PTPN12: variants seen among roughly 807,000 people sequenced by gnomAD.
PTPN12 encodes protein tyrosine phosphatase non-receptor type 12, also known as tyrosine-protein phosphatase non-receptor type 12.
A neutral mutation model predicts 97.6 loss-of-function variants in PTPN12; 29 were observed. The ratio of observed to expected loss-of-function variants is 0.30; its 90% CI spans 0.22 to 0.41. The LOEUF (loss-of-function observed/expected upper bound fraction) is 0.41, where lower values mean the gene tolerates loss of function less well. PTPN12 is among the 10% of genes least tolerant of loss of function. The pLI, the probability that PTPN12 is intolerant of heterozygous loss-of-function variation, is 1.00. For synonymous variants in PTPN12, 327 were observed against 300.4 expected, an observed-to-expected ratio of 1.09 and a Z score of -0.91; for missense variants, 819 against 926.0, an observed-to-expected ratio of 0.88 and a Z score of 1.50.
Position 77,621,090 on chromosome 7 carries a change from TATTTCA to T in PTPN12, c.1025+2526_1025+2531del, listed in dbSNP as rs543086395. On this transcript the variant is annotated intron_variant, in intron 12 of 17. Coordinates refer to ENST00000248594, the MANE Select transcript of PTPN12 (RefSeq NM_002835.4). Reference sequence around the variant, plus strand: ...TATATAAAAATATGTGTTGTGTGTATATTTCATTTTTATTTATTTATTTATTTATTT... The same window carrying T: ...TATATAAAAATATGTGTTGTGTGTATTTTTTATTTATTTATTTATTTATTT... 1.5e-3 allele frequency among the ~76,000 whole-genome samples: 231 copies of T among 151,936 alleles called. 1 individual carries two copies. The highest frequency in any genetic ancestry group is 5.5e-3 in the African/African-American group (228 of 41,428).
intron 14 of PTPN12, among the ~76,000 whole-genome samples, chr7:77,634,929 G>C (rs1789536239): frequency 6.6e-6 from 1 of 152,020 alleles, no homozygotes; most frequent in Non-Finnish European, 1.5e-5. Context: ...AGGCTGGAGT[G>C]CAGTGGCACG....
At chr7:77,542,389 C>T (rs546279218) in intron 1 of PTPN12, among the ~76,000 whole-genome samples, 1 of 152,230 alleles carries the variant, frequency 6.6e-6, no homozygotes, top group East Asian at 1.9e-4. Context: ...AATCATTAGT[C>T]TGGGTTTCTG....
At chr7:77,548,828 C>CT (rs1407166330) in intron 1 of PTPN12, among the ~76,000 whole-genome samples, 2 of 152,154 alleles carry the variant, frequency 1.3e-5, no homozygotes, top group African/African-American at 4.8e-5. Context: ...AATAGAGAGC[C>CT]TGGGTGACTC....
chr7:77,555,790 C>T (rs1807683293), intron 1 of PTPN12, among the ~76,000 whole-genome samples: 2 of 151,970 alleles, frequency 1.3e-5, no homozygotes, highest in Admixed American at 6.6e-5. Context: ...TGGTGGGCGC[C>T]TGTAGTCCCA....
At chr7:77,601,357 AT>A (rs952174156) in intron 8 of PTPN12, among the ~76,000 whole-genome samples, 1 of 151,838 alleles carries the variant, frequency 6.6e-6, no homozygotes, top group African/African-American at 2.4e-5. Context: ...CACTGAACTA[AT>A]TTTTTTTAAT....
chr7:77,636,670 AT>A (rs572540117), intron 15 of PTPN12: 92 of 179,408 alleles, frequency 5.1e-4, no homozygotes, highest in African/African-American at 2.1e-3. Context: ...TATCTCTGAA[AT>A]TTAGCTACAT....
intron 5 of PTPN12, among the ~76,000 whole-genome samples, chr7:77,586,661 C>T (rs546980029): frequency 6.6e-6 from 1 of 152,320 alleles, no homozygotes; most frequent in South Asian, 2.1e-4. Flanking sequence ...TGTAGCATGC[C>T]ATGCTGTTTG....
At chr7:77,569,576 G>T (rs1414834638) in intron 1 of PTPN12, among the ~76,000 whole-genome samples, 1 of 152,114 alleles carries the variant, frequency 6.6e-6, no homozygotes, top group Non-Finnish European at 1.5e-5. Context: ...TTCAAGACCA[G>T]CCTGGATAAC....
chr7:77,637,944 AATTTTTTTTTTTTTTT>A (rs1456398694), intron 16 of PTPN12, among the ~76,000 whole-genome samples: 1 of 89,500 alleles, frequency 1.1e-5, no homozygotes, highest in Non-Finnish European at 1.9e-5. Flanking sequence ...GATTTCTTAA[AATTTTTTTTTTTTTTT>A]TTTTTTTTTT....
At chr7:77,566,519 C>T (rs1277099476) in intron 1 of PTPN12, among the ~76,000 whole-genome samples, 1 of 152,072 alleles carries the variant, frequency 6.6e-6, no homozygotes, top group African/African-American at 2.4e-5. Context: ...TCCAGGAGTT[C>T]GAGACCAGCC....
chr7:77,582,894 A>G (rs996045814), intron 3 of PTPN12, among the ~76,000 whole-genome samples: 2 of 152,236 alleles, frequency 1.3e-5, no homozygotes, highest in African/African-American at 4.8e-5. Flanking sequence ...ACCAAAATGA[A>G]TACATTAAAT....
At chr7:77,570,390 A>C (rs1331680555) in intron 1 of PTPN12, among the ~76,000 whole-genome samples, 1 of 152,214 alleles carries the variant, frequency 6.6e-6, no homozygotes, top group Non-Finnish European at 1.5e-5. Context: ...TTTGAAATTA[A>C]ATTTCAGCAA....
intron 1 of PTPN12, among the ~76,000 whole-genome samples, chr7:77,560,078 A>C (rs1807929943): frequency 6.6e-6 from 1 of 152,244 alleles, no homozygotes; most frequent in Non-Finnish European, 1.5e-5. Flanking sequence ...GGTGGAGTTA[A>C]TGTGAAGCCA....
chr7:77,622,210 C>T (rs1038048240), intron 12 of PTPN12, among the ~76,000 whole-genome samples: 1 of 152,218 alleles, frequency 6.6e-6, no homozygotes, highest in Non-Finnish European at 1.5e-5. Context: ...CCATTTTGGC[C>T]TCCCAAAGTG....
intron 2 of PTPN12, among the ~76,000 whole-genome samples, chr7:77,580,652 T>C (rs954643484): frequency 2.6e-5 from 4 of 152,122 alleles, no homozygotes; most frequent in Non-Finnish European, 5.9e-5. Flanking sequence ...CAATAAAAAC[T>C]TAAAAGAAAA....
At chr7:77,612,354 C>T (rs571917865) in intron 11 of PTPN12, among the ~76,000 whole-genome samples, 8 of 152,192 alleles carry the variant, frequency 5.3e-5, no homozygotes, top group Non-Finnish European at 1.2e-4. Flanking sequence ...TCCTACAATG[C>T]CTTTAGCTTA....
chr7:77,590,768 T>G (rs1787841989), intron 5 of PTPN12, among the ~76,000 whole-genome samples: 1 of 152,142 alleles, frequency 6.6e-6, no homozygotes, highest in South Asian at 2.1e-4. Flanking sequence ...TTTGCCATGT[T>G]GGCCAGTCTG....
chr7:77,570,043 G>T (rs1808409681), intron 1 of PTPN12, among the ~76,000 whole-genome samples: 1 of 152,106 alleles, frequency 6.6e-6, no homozygotes, highest in African/African-American at 2.4e-5. Flanking sequence ...TATTACCACA[G>T]GAAATCACAA....
At chr7:77,570,087 T>G (rs1203871262) in intron 1 of PTPN12, among the ~76,000 whole-genome samples, 3 of 152,188 alleles carry the variant, frequency 2.0e-5, no homozygotes, top group Non-Finnish European at 4.4e-5. Flanking sequence ...AATTTTACTT[T>G]GACATTGTGC....
Sources: allele counts gnomAD v4.1 joint callset (sites outside exome capture counted in the v4.1 genomes callset), GRCh38; gene constraint gnomAD v4.1.1; transcripts MANE v1.5; gene names NCBI Gene and HGNC (gene_info 2026-07-23, HGNC 2026-07-21).